Variants in IL3RA observed in about 807,000 individuals in gnomAD.
IL3RA encodes the protein interleukin 3 receptor subunit alpha, also known as interleukin-3 receptor subunit alpha.
In IL3RA, 73 loss-of-function variants were observed where a neutral mutation model predicts 52.3. That is an observed-to-expected ratio of 1.40 (90% confidence interval 1.16 to 1.70). The LOEUF (loss-of-function observed/expected upper bound fraction) is 1.70, where lower values mean the gene tolerates loss of function less well. Among genes scored for constraint, IL3RA ranks in the 40% most tolerant of loss-of-function variants. The probability of loss-of-function intolerance (pLI) is 0.00; values close to 1 mark genes in which losing one functional copy is unlikely to be tolerated. For missense variants in IL3RA, 664 were observed against 504.4 expected (o/e 1.32, Z -3.03); for synonymous variants, 260 against 194.0 (o/e 1.34, Z -2.83).
rs566119219 is a variant in IL3RA, at chrX:1,381,348, C to T, written c.1062+244C>T. On this transcript the variant is annotated intron_variant, in intron 11 of 11. Transcript: ENST00000331035. ...GGGAGGTGGAGGCTGCAGTGAACTA[C>T]GATCGAGCCACTGCACTCCATCTGG... 2.4e-4 allele frequency among the ~76,000 whole-genome samples: 37 copies of T among 152,098 alleles called. No individual in the cohort carries two copies. In the South Asian group the frequency reaches 4.6e-3, roughly 19 times the overall value.
At position 1,345,673 on chromosome X, in the gene IL3RA, G is replaced by C. The variant is rs1384753301; in HGVS notation, c.183+239G>C. On this transcript the variant is annotated intron_variant, in intron 3 of 11. Coordinates refer to ENST00000331035, the MANE Select transcript of IL3RA (RefSeq NM_002183.4). ...CCCGGCTAATTTTTTTGTATTTTTA[G>C]TAGAGATGGGGTTTCACTGTGTTAG... 2.6e-5 allele frequency among the ~76,000 whole-genome samples: 4 copies of C among 151,556 alleles called. No individual in the cohort carries two copies. In the South Asian group the frequency reaches 8.3e-4, roughly 31 times the overall value.
intron 6 of IL3RA, among the ~76,000 whole-genome samples, chrX:1,355,105 C>T (rs1456497361): frequency 1.1e-4 from 2 of 18,990 alleles, no homozygotes; most frequent in Non-Finnish European, 1.8e-4. Context: ...GAAGAAGGAG[C>T]GGGAGGAGAG....
rs1323442360 is a variant in IL3RA, at chrX:1,348,654, C to G, written c.298+109C>G. ...TTTTCTTTTCTTTTTCTCTTTCTTT[C>G]TTTCTTTCTTTCTTTCTTTCTTTCT... On this transcript the variant is annotated intron_variant, in intron 4 of 11. Transcript: ENST00000331035. 30 of 406,516 alleles carry G rather than the reference C, an allele frequency of 7.4e-5. 1 individual carries two copies. The highest frequency in any genetic ancestry group is 7.5e-5 in the Non-Finnish European group (18 of 240,188). 25.2% of individuals were successfully genotyped at this position (406,516 alleles called of 1,614,324 possible).
chrX:1,367,578 G>A (rs1306719357), intron 9 of IL3RA, among the ~76,000 whole-genome samples: 2 of 100,988 alleles, frequency 2.0e-5, no homozygotes, highest in Non-Finnish European at 3.9e-5. Context: ...GGTGCGCGGG[G>A]TGAGCGGGGT....
intron 9 of IL3RA, among the ~76,000 whole-genome samples, chrX:1,367,672 G>A (rs1216490482): frequency 6.3e-5 from 7 of 110,982 alleles, no homozygotes; most frequent in Admixed American, 1.7e-4. Flanking sequence ...AGCCGGGTGC[G>A]CGGGGTGAGC....
rs1275409848 is a variant in IL3RA, at chrX:1,344,391, G to A, written c.65-925G>A. On this transcript the variant is annotated intron_variant, in intron 2 of 11. Coordinates refer to ENST00000331035, the MANE Select transcript of IL3RA (RefSeq NM_002183.4). ...GGAGGTTGTAGTGAGCCGAGATCGC[G>A]CCACTGAATTCCAGCCTGGGCGACA... Among the ~76,000 whole-genome samples the A allele has an allele frequency of 7.2e-5, 11 of 152,080 alleles. No homozygotes were observed. In the East Asian group the frequency reaches 1.2e-3, roughly 16 times the overall value.
intron 8 of IL3RA, among the ~76,000 whole-genome samples, chrX:1,359,455 C>G (rs1383324126): frequency 6.6e-6 from 1 of 151,982 alleles, no homozygotes; most frequent in African/African-American, 2.4e-5. Flanking sequence ...CTCTGAATCT[C>G]TCTGCCTTTC....
At position 1,358,965 on chromosome X, in the gene IL3RA, A is replaced by T. The variant is rs1569524164; in HGVS notation, c.759+78A>T. ...TTATTATTATTAAGAATAAAATGATAAAAAATATTAATAATTCTTATTAAT... is the reference window on the plus strand; with the variant it reads ...TTATTATTATTAAGAATAAAATGATTAAAAATATTAATAATTCTTATTAAT... On this transcript the variant is annotated intron_variant, in intron 8 of 11. Transcript: ENST00000331035. 4 of 968,970 alleles carry T rather than the reference A, an allele frequency of 4.1e-6. No homozygotes were observed. In the African/African-American group the frequency reaches 5.2e-5, roughly 12 times the overall value. The allele number at this position is 968,970 out of a possible 1,614,324, so 60.0% of individuals were successfully genotyped here.
intron 7 of IL3RA, among the ~76,000 whole-genome samples, 180 bp from the exon 8 acceptor site, chrX:1,358,681 C>A (rs760828285): frequency 6.6e-6 from 1 of 152,010 alleles, no homozygotes; most frequent in Non-Finnish European, 1.5e-5. Flanking sequence ...ACAAACAAAC[C>A]TTTTGGTCAG....
At chrX:1,380,804 TACCAGCGCCCTACTCCTTTAATTAGAC>T (rs1485683544) in intron 10 of IL3RA, among the ~76,000 whole-genome samples, 192 bp from the exon 11 acceptor site, 9 of 151,446 alleles carry the variant, frequency 5.9e-5, no homozygotes, top group South Asian at 4.2e-4. Flanking sequence ...GTGGCTCCGG[TACCAGCGCCCTACTCCTTTAATTAGAC>T]ACCAGCGCCT....
chrX:1,348,561 A>C lies in IL3RA; in HGVS notation c.298+16A>C. On this transcript the variant is annotated intron_variant, in intron 4 of 11. Coordinates refer to ENST00000331035, the MANE Select transcript of IL3RA (RefSeq NM_002183.4). ...CCTGAGAACAGTGAGAAAAATGTTC[A>C]TTGTTTGTTTATTCTCTATTCCCTC... 1.9e-6 allele frequency: 3 copies of C among 1,586,498 alleles called. No individual in the cohort carries two copies. In the South Asian group the frequency reaches 3.3e-5, roughly 18 times the overall value.
chrX:1,382,122 T>C (rs1357734411), intron 11 of IL3RA, among the ~76,000 whole-genome samples: 3 of 151,790 alleles, frequency 2.0e-5, no homozygotes, highest in African/African-American at 4.8e-5. Flanking sequence ...CAGCTAATTC[T>C]GCATTTTTAG....
At chrX:1,347,762 G>T (rs1174050799) in intron 3 of IL3RA, among the ~76,000 whole-genome samples, 1 of 151,960 alleles carries the variant, frequency 6.6e-6, no homozygotes, top group Non-Finnish European at 1.5e-5. Flanking sequence ...ATTGTGGCCG[G>T]GCGCGGTGGC....
intron 1 of IL3RA, 64 bp from the exon 2 acceptor site, chrX:1,341,664 C>A: frequency 7.4e-7 from 1 of 1,350,132 alleles, no homozygotes; most frequent in Non-Finnish European, 1.1e-6. Context: ...GGCAAGCATC[C>A]TTCATTACCC....
rs17886146 is a variant in IL3RA, at chrX:1,356,408, G to T, written c.732+72G>T. On this transcript the variant is annotated intron_variant, in intron 7 of 11. Coordinates refer to ENST00000331035, the MANE Select transcript of IL3RA (RefSeq NM_002183.4). The stretch of plus-strand genomic sequence containing the variant: ...CTTATTTTTGGTAAGTCGCACTCTG[G>T]GGCCTTGAAACGGGCAACAATCTCC... 10,367 of 915,426 alleles carry T rather than the reference G, an allele frequency of 0.011. 738 individuals are homozygous for T. The African/African-American group carries it at 0.16, about 14-fold the overall frequency. The allele number at this position is 915,426 out of a possible 1,614,324, so 56.7% of individuals were successfully genotyped here.
At chrX:1,356,443 G>A (rs1265470385) in intron 7 of IL3RA, 107 bp downstream of exon 7, 8 of 671,668 alleles carry the variant, frequency 1.2e-5, no homozygotes, top group African/African-American at 9.7e-5. Context: ...CTCTGATAAC[G>A]TCACAGAAGG....
At chrX:1,378,877 C>G (rs1327733710) in intron 10 of IL3RA, 113 bp downstream of exon 10, 2 of 1,028,258 alleles carry the variant, frequency 1.9e-6, no homozygotes, top group Non-Finnish European at 1.5e-6. Context: ...GAGTCTCGCT[C>G]TGTCTCCCAG....
At chrX:1,338,957 G>A (rs190058442) in intron 1 of IL3RA, among the ~76,000 whole-genome samples, 6 of 152,064 alleles carry the variant, frequency 3.9e-5, no homozygotes, top group African/African-American at 1.2e-4. Context: ...CCGCAACTAC[G>A]CCTGGCTAAT....
In IL3RA at chrX:1,352,190, C is replaced by T. The variant is rs762643297; in HGVS notation, c.389C>T (p.Ala130Val). 5 of 1,613,688 alleles carry T rather than the reference C, an allele frequency of 3.1e-6. No homozygotes were observed. The highest frequency in any genetic ancestry group is 3.4e-6 in the Non-Finnish European group (4 of 1,179,812). Residue 130 changes from alanine to valine, a missense_variant, in exon 5 of 12, where the codon GCC becomes GTC. Transcript: ENST00000331035. ...TGCAGCTGGGCGGTAGGCCCGGGGG[C>T]CCCCGCGGACGTCCAGTACGACCTG... ...LSCSWAVGPGAPADVQYDLYL... is the reference protein window; with the variant it reads ...LSCSWAVGPGVPADVQYDLYL...
Sources: gnomAD v4.1 joint callset for allele counts (sites outside exome capture counted in the v4.1 genomes callset) on GRCh38, gnomAD v4.1.1 for gene constraint, MANE v1.5 for transcripts, NCBI Gene and HGNC (gene_info 2026-07-23, HGNC 2026-07-21) for gene names.